The following FTO variants were observed in gnomAD, a reference collection of about 807,000 sequenced individuals.
The protein encoded by FTO is alpha-ketoglutarate-dependent dioxygenase FTO.
In FTO, 47 loss-of-function variants were observed where a neutral mutation model predicts 63.9. That is an observed-to-expected ratio of 0.74 (90% CI 0.58 to 0.94). The LOEUF is 0.94. Among genes scored for constraint, FTO ranks in the 40% least tolerant of loss-of-function variants. The pLI, the probability that FTO is intolerant of heterozygous loss-of-function variation, is 0.00. For missense variants in FTO, 562 were observed against 618.1 expected, an observed-to-expected ratio of 0.91 and a Z score of 0.96; for synonymous variants, 207 against 224.4, an observed-to-expected ratio of 0.92 and a Z score of 0.69.
intron 6 of FTO, among the ~76,000 whole-genome samples, chr16:53,887,405 C>T (rs979195064): frequency 1.3e-5 from 2 of 152,098 alleles, no homozygotes; most frequent in Non-Finnish European, 2.9e-5. Context: ...CATATTCCAC[C>T]CCTGGCATTG....
intron 8 of FTO, among the ~76,000 whole-genome samples, chr16:54,025,829 A>G (rs2084701025): frequency 6.6e-6 from 1 of 152,214 alleles, no homozygotes; most frequent in African/African-American, 2.4e-5. Flanking sequence ...CCTGGCCACC[A>G]TGGTGAAACC....
chr16:53,881,150 T>TAAATAAATAAATAAAA (rs1427694945), intron 6 of FTO, among the ~76,000 whole-genome samples: 42 of 150,086 alleles, frequency 2.8e-4, no homozygotes, highest in African/African-American at 8.3e-4. Context: ...AATAAATAAA[T>TAAATAAATAAATAAAA]AAAAATAAAA....
intron 8 of FTO, among the ~76,000 whole-genome samples, chr16:54,100,535 C>T (rs1046862569): frequency 2.0e-5 from 3 of 152,006 alleles, no homozygotes; most frequent in Non-Finnish European, 4.4e-5. Flanking sequence ...TTAAATTTTT[C>T]GTACAGATGG....
intron 1 of FTO, among the ~76,000 whole-genome samples, chr16:53,735,948 G>A (rs779932668): frequency 6.6e-6 from 1 of 152,082 alleles, no homozygotes; most frequent in Non-Finnish European, 1.5e-5. Flanking sequence ...TACTGCCTCT[G>A]CTTTAGTTTC....
intron 3 of FTO, among the ~76,000 whole-genome samples, chr16:53,838,734 GA>G (rs2079379421): frequency 6.6e-6 from 1 of 151,984 alleles, no homozygotes; most frequent in South Asian, 2.1e-4. Flanking sequence ...CACCACTCAG[GA>G]GGCTGAGACA....
chr16:54,083,920 G>C (rs907832313), intron 8 of FTO, among the ~76,000 whole-genome samples: 1 of 152,176 alleles, frequency 6.6e-6, no homozygotes, highest in African/African-American at 2.4e-5. Flanking sequence ...TTGAATCCCA[G>C]CCTTTCCATG....
chr16:54,000,168 T>G (rs1175718715), intron 8 of FTO, among the ~76,000 whole-genome samples: 2 of 152,230 alleles, frequency 1.3e-5, no homozygotes, highest in Non-Finnish European at 2.9e-5. Flanking sequence ...TTCTTTCTCC[T>G]GTTTGGTTGC....
chr16:53,983,874 T>C (rs1361406261), intron 8 of FTO, among the ~76,000 whole-genome samples: 1 of 152,220 alleles, frequency 6.6e-6, no homozygotes, highest in Admixed American at 6.5e-5. Flanking sequence ...ATCCAGATGT[T>C]TGTATGAAAG....
At chr16:53,799,551 GT>G (rs2151709167) in intron 1 of FTO, among the ~76,000 whole-genome samples, 1 of 152,238 alleles carries the variant, frequency 6.6e-6, no homozygotes, top group African/African-American at 2.4e-5. Context: ...TGGGGACTGT[GT>G]CTGTTCTTGG....
Position 54,112,089 on chromosome 16 carries a change from ATGACC to A in FTO, c.*175_*179del. On this transcript the variant is annotated 3_prime_UTR_variant, in exon 9 of 9. Coordinates refer to ENST00000471389, the MANE Select transcript of FTO (RefSeq NM_001080432.3). ...CCCATGAAGTTTTAAATGTTTTAAA[ATGACC>A]CTGTGTTATAGTCTGATTTGGTGTT... 1 of 685,926 alleles carries A rather than the reference ATGACC, an allele frequency of 1.5e-6. No homozygotes were observed. The highest frequency in any genetic ancestry group is 2.5e-6 in the Non-Finnish European group (1 of 394,080). 42.5% of individuals were successfully genotyped at this position (685,926 alleles called of 1,614,324 possible). A position where few individuals can be genotyped will look rare whatever the true frequency, so the allele number is the denominator to read the frequency against.
chr16:53,780,223 G>A (rs936772582), intron 1 of FTO, among the ~76,000 whole-genome samples: 10 of 152,008 alleles, frequency 6.6e-5, no homozygotes, highest in Admixed American at 4.6e-4. Flanking sequence ...CAGACTCACT[G>A]GCTTGCTTTC....
In FTO at chr16:54,012,876, A is replaced by G. The variant is rs542397266; in HGVS notation, c.1364+78767A>G. ...TTTCAAAATATCAGTGCTCATTGAC[A>G]ATGCATGTGGTCACCCAAGAGCTCT... On this transcript the variant is annotated intron_variant, in intron 8 of 8. Transcript: ENST00000471389. Among the ~76,000 whole-genome samples the G allele has an allele frequency of 8.1e-4, 123 of 152,138 alleles. 2 individuals are homozygous for G. The South Asian group carries it at 0.025, about 31-fold the overall frequency.
At chr16:53,918,988 G>A (rs1402975064) in intron 7 of FTO, among the ~76,000 whole-genome samples, 1 of 152,170 alleles carries the variant, frequency 6.6e-6, no homozygotes, top group Admixed American at 6.5e-5. Flanking sequence ...AACACACATA[G>A]TTAGTATGAG....
At chr16:54,000,923 A>G (rs2084050389) in intron 8 of FTO, among the ~76,000 whole-genome samples, 1 of 152,318 alleles carries the variant, frequency 6.6e-6, no homozygotes, top group South Asian at 2.1e-4. Flanking sequence ...GGGACCTGCC[A>G]TTCATCAGCT....
chr16:53,731,132 G>A (rs1241102681), intron 1 of FTO, among the ~76,000 whole-genome samples: 1 of 152,204 alleles, frequency 6.6e-6, no homozygotes, highest in Admixed American at 6.5e-5. Context: ...TTACTTGTAT[G>A]TGAATTTGGG....
intron 1 of FTO, among the ~76,000 whole-genome samples, chr16:53,772,726 A>T (rs1025894617): frequency 2.0e-5 from 3 of 152,126 alleles, no homozygotes; most frequent in African/African-American, 7.2e-5. Flanking sequence ...ATTAGATGCT[A>T]CATTAGAAAT....
rs117542628 is a variant in FTO, at chr16:53,944,121, G to A, written c.1364+10012G>A. 2.3e-3 allele frequency among the ~76,000 whole-genome samples: 350 copies of A among 152,270 alleles called. 3 individuals carry two copies. Among genetic ancestry groups the A allele is most frequent in the East Asian group, 0.015 (80 of 5,184 alleles). ...GTTGGGAGTGATCTGTCAGTCATGC[G>A]TTGGTTCTGCAAATATTTCTTAAGT... is the stretch of plus-strand genomic sequence containing the variant. On this transcript the variant is annotated intron_variant, in intron 8 of 8. Coordinates refer to ENST00000471389, the MANE Select transcript of FTO (RefSeq NM_001080432.3).
At chr16:53,759,929 A>T (rs191029472) in intron 1 of FTO, among the ~76,000 whole-genome samples, 29 of 151,976 alleles carry the variant, frequency 1.9e-4, no homozygotes, top group African/African-American at 7.0e-4. Context: ...TCCTTGGGCC[A>T]ATGCTTCAGA....
Position 53,934,088 on chromosome 16 carries a change from T to A in FTO, c.1343T>A (p.Leu448Gln), listed in dbSNP as rs2143262505. The change falls in exon 8 of 9, where the codon CTG (leucine) becomes CAG (glutamine). Residue 448 changes from leucine (L) to glutamine (Q), a missense_variant. Transcript: ENST00000471389. Reference protein sequence around the residue: ...ILASLTARQNLRREWHARCQS... With the variant: ...ILASLTARQNQRREWHARCQS... ...GCCTCGCTCACTGCACGCCAGAACCTGAGGAGAGAATGGCATGCCAGGTTA... is the reference window on the plus strand; with the variant it reads ...GCCTCGCTCACTGCACGCCAGAACCAGAGGAGAGAATGGCATGCCAGGTTA... 1 of 1,614,136 alleles carries A rather than the reference T, an allele frequency of 6.2e-7. No individual in the cohort carries two copies. Among genetic ancestry groups the A allele is most frequent in the African/African-American group, 1.3e-5 (1 of 75,056 alleles).
Sources: allele counts gnomAD v4.1 joint callset (sites outside exome capture counted in the v4.1 genomes callset), GRCh38; gene constraint gnomAD v4.1.1; transcripts MANE v1.5; gene names NCBI Gene and HGNC (gene_info 2026-07-23, HGNC 2026-07-21).